The following JARID2 variants were observed in gnomAD, a reference collection of about 807,000 sequenced individuals.
JARID2 encodes the protein protein Jumonji.
JARID2 carries 21 observed loss-of-function variants against 125.6 expected under a neutral mutation model. The ratio of observed to expected loss-of-function variants is 0.17; its 90% CI spans 0.12 to 0.24. The LOEUF (loss-of-function observed/expected upper bound fraction) is 0.24, where lower values mean the gene tolerates loss of function less well. Among genes scored for constraint, JARID2 ranks in the 10% least tolerant of loss-of-function variants. The pLI is 1.00. For synonymous variants in JARID2, 736 were observed against 661.6 expected (o/e 1.11, Z -1.73); for missense variants, 1,303 against 1,639.6 (o/e 0.79, Z 3.55).
chr6:15,280,127 A>G (rs1760694191), intron 1 of JARID2, among the ~76,000 whole-genome samples: 1 of 152,182 alleles, frequency 6.6e-6, no homozygotes, highest in Non-Finnish European at 1.5e-5. Flanking sequence ...AAATTTTGAA[A>G]TAGTGCTCTT....
At chr6:15,506,698 T>C (rs141803563) in intron 9 of JARID2, among the ~76,000 whole-genome samples, 1 of 152,346 alleles carries the variant, frequency 6.6e-6, no homozygotes, top group Non-Finnish European at 1.5e-5. Context: ...ATGGGACATA[T>C]TAAAAGTCAC....
In JARID2 at chr6:15,460,250, C is replaced by G. The variant is rs1209165115; in HGVS notation, c.493+8075C>G. ...CTTTTATTGGCCCTGTGACGTTGAT[C>G]AGATGTTATTAATAAGACTGTAGGT... On this transcript the variant is annotated intron_variant, in intron 4 of 17. Coordinates refer to ENST00000341776, the MANE Select transcript of JARID2 (RefSeq NM_004973.4). Among the ~76,000 whole-genome samples the G allele has an allele frequency of 2.6e-5, 4 of 152,120 alleles. No homozygotes were observed. In the East Asian group the frequency reaches 7.7e-4, roughly 29 times the overall value.
intron 5 of JARID2, among the ~76,000 whole-genome samples, 200 bp from the exon 6 acceptor site, chr6:15,487,107 A>G (rs1769908921): frequency 6.6e-6 from 1 of 152,076 alleles, no homozygotes; most frequent in Admixed American, 6.6e-5. Context: ...ATCTCATGAG[A>G]ACGCACTTGT....
At chr6:15,509,866 A>G (rs567774866) in intron 12 of JARID2, among the ~76,000 whole-genome samples, 1 of 152,330 alleles carries the variant, frequency 6.6e-6, no homozygotes, top group South Asian at 2.1e-4. Flanking sequence ...ACAGGAGAGA[A>G]AGAAAAGGCA....
chr6:15,385,050 G>T (rs6924733), intron 2 of JARID2, among the ~76,000 whole-genome samples: 76,298 of 152,020 alleles, frequency 0.5, 19,221 homozygotes, highest in South Asian at 0.58. Context: ...AAATGCAAAT[G>T]AGGCTGTGCT....
At chr6:15,274,073 C>T (rs1392368004) in intron 1 of JARID2, among the ~76,000 whole-genome samples, 3 of 152,008 alleles carry the variant, frequency 2.0e-5, no homozygotes, top group African/African-American at 7.2e-5. Context: ...GGACTATAGG[C>T]GCCCGCCACC....
intron 3 of JARID2, among the ~76,000 whole-genome samples, chr6:15,413,823 C>T (rs1026831697): frequency 5.3e-5 from 8 of 152,144 alleles, no homozygotes; most frequent in Non-Finnish European, 1.0e-4. Context: ...GACATTATTC[C>T]GTTCACGAGG....
At chr6:15,318,273 G>A (rs1431800654) in intron 1 of JARID2, among the ~76,000 whole-genome samples, 1 of 152,104 alleles carries the variant, frequency 6.6e-6, no homozygotes, top group Admixed American at 6.5e-5. Context: ...CAAAGAGAAA[G>A]CTGAACTCCA....
intron 1 of JARID2, among the ~76,000 whole-genome samples, chr6:15,366,310 T>A (rs78178303): frequency 6.6e-6 from 1 of 151,928 alleles, no homozygotes; most frequent in Non-Finnish European, 1.5e-5. Context: ...TGGGCCTAGT[T>A]TTTTAGAATG....
At chr6:15,405,255 C>T (rs56738851) in intron 2 of JARID2, among the ~76,000 whole-genome samples, 45 of 152,300 alleles carry the variant, frequency 3.0e-4, no homozygotes, top group African/African-American at 9.6e-4. Flanking sequence ...TTGTTTTGTG[C>T]GGTCTTTTCA....
rs1372518686 is a variant in JARID2, at chr6:15,252,749, A to G, written c.45+6165A>G. On this transcript the variant is annotated intron_variant, in intron 1 of 17. Transcript: ENST00000341776. ...AATCTGTTTTTTCATGTGCTCAATT[A>G]TCTTTCGTTTTTTTTCCGTCCTCCA... is the stretch of plus-strand genomic sequence containing the variant. Among the ~76,000 whole-genome samples, 5 of 142,196 alleles carry G rather than the reference A, an allele frequency of 3.5e-5. No individual in the cohort carries two copies. In the East Asian group the frequency reaches 8.2e-4, roughly 23 times the overall value. 93.3% of individuals were successfully genotyped at this position (142,196 alleles called of 152,430 possible).
chr6:15,255,602 G>A (rs943756308), intron 1 of JARID2, among the ~76,000 whole-genome samples: 1 of 152,118 alleles, frequency 6.6e-6, no homozygotes, highest in South Asian at 2.1e-4. Context: ...CACCATTTTG[G>A]TGAGAGCTTG....
rs113659459 is a variant in JARID2 at position 15,378,370 on chromosome 6, A to G, written c.181+4118A>G. ...GGAGGTGACATATGCTGTGCAAGCA[A>G]GGATGAGAACATGTGCCTTAACCCC... On this transcript the variant is annotated intron_variant, in intron 2 of 17. Transcript: ENST00000341776. Among the ~76,000 whole-genome samples, 785 of 152,108 alleles carry G rather than the reference A, an allele frequency of 5.2e-3. 6 individuals are homozygous for G. Among genetic ancestry groups the G allele is most frequent in the South Asian group, 0.041 (195 of 4,808 alleles).
At position 15,300,467 on chromosome 6, in the gene JARID2, C is replaced by T. The variant is rs989293119; in HGVS notation, c.45+53883C>T. ...CTTCCCCTCCCATCTTCCTGAGATACTGTGCTTGTTGTGAGCTCATTCAGA... is the reference window on the plus strand; with the variant it reads ...CTTCCCCTCCCATCTTCCTGAGATATTGTGCTTGTTGTGAGCTCATTCAGA... On this transcript the variant is annotated intron_variant, in intron 1 of 17. Transcript: ENST00000341776. Among the ~76,000 whole-genome samples the T allele has an allele frequency of 1.3e-5, 2 of 152,144 alleles. 1 individual carries two copies. Among genetic ancestry groups the T allele is most frequent in the African/African-American group, 4.8e-5 (2 of 41,406 alleles).
intron 5 of JARID2, among the ~76,000 whole-genome samples, chr6:15,472,512 C>A (rs185304289): frequency 1.3e-5 from 2 of 152,172 alleles, no homozygotes; most frequent in Admixed American, 1.3e-4. Flanking sequence ...CTGCCCCCAA[C>A]CTCCAAGTGT....
At chr6:15,276,739 CA>C (rs1266000814) in intron 1 of JARID2, among the ~76,000 whole-genome samples, 1 of 152,152 alleles carries the variant, frequency 6.6e-6, no homozygotes, top group East Asian at 1.9e-4. Context: ...TGGAATGAGC[CA>C]GGGGGTCCTG....
Position 15,512,280 on chromosome 6 carries a change from G to A in JARID2, c.3025G>A (p.Val1009Ile), listed in dbSNP as rs940675594. ...CGTGCAGCAGAGTGGCCAGTTTGTCGTCTGCTTCCCGGGATCCTTTGTGTC... is the reference window on the plus strand; with the variant it reads ...CGTGCAGCAGAGTGGCCAGTTTGTCATCTGCTTCCCGGGATCCTTTGTGTC... The part of the protein sequence containing the change: ...RTVQQSGQFV[V>I]CFPGSFVSKV... The change falls in exon 14 of 18, where the codon GTC becomes ATC. Residue 1009 changes from valine to isoleucine, a missense_variant. Val to Ile is a conservative substitution (Grantham distance 29). Transcript: ENST00000341776. 9.9e-6 allele frequency: 16 copies of A among 1,614,046 alleles called. No homozygotes were observed. The highest frequency in any genetic ancestry group is 1.6e-4 in the Middle Eastern group (1 of 6,084).
chr6:15,378,999 C>T (rs961652217), intron 2 of JARID2, among the ~76,000 whole-genome samples: 2 of 152,140 alleles, frequency 1.3e-5, no homozygotes, highest in Non-Finnish European at 2.9e-5. Context: ...AGTGTGTGGA[C>T]ACTGCAGCTT....
At chr6:15,261,537 G>C (rs1759878003) in intron 1 of JARID2, among the ~76,000 whole-genome samples, 1 of 151,822 alleles carries the variant, frequency 6.6e-6, no homozygotes, top group Non-Finnish European at 1.5e-5. Context: ...TGCCAGGATG[G>C]TCTCCATCTC....
Sources: allele counts gnomAD v4.1 joint callset (sites outside exome capture counted in the v4.1 genomes callset), GRCh38; gene constraint gnomAD v4.1.1; transcripts MANE v1.5; gene names NCBI Gene and HGNC (gene_info 2026-07-23, HGNC 2026-07-21).